The following ZNF398 variants were observed in gnomAD, a reference collection of about 807,000 sequenced individuals.
ZNF398 encodes the protein zinc finger DNA binding protein ZER6.
A neutral mutation model predicts 41.9 loss-of-function variants in ZNF398; 18 were observed. The observed-to-expected ratio is 0.43, with a 90% CI of 0.30 to 0.64. The LOEUF is 0.64. ZNF398 is among the 30% of genes least tolerant of loss of function. ZNF398 has a pLI of 0.14. For synonymous variants in ZNF398, 260 were observed against 308.8 expected, an observed-to-expected ratio of 0.84 and a Z score of 1.66; for missense variants, 669 against 822.8, an observed-to-expected ratio of 0.81 and a Z score of 2.29.
Position 149,179,581 on chromosome 7 carries a change from CCTACTGTGGCAGGAGCTTCCG to C in ZNF398, c.1714_1734del (p.Cys572_Tyr578del). On this transcript the variant is annotated inframe_deletion, in exon 6 of 6. Coordinates refer to ENST00000475153, the MANE Select transcript of ZNF398 (RefSeq NM_170686.3). The surrounding 1 kb of genome is among the most constrained non-coding windows in gnomAD (Gnocchi z 6.1). ...ACCGGGGAGCGGCCCTACCCCTGCT[CCTACTGTGGCAGGAGCTTCCG>C]CTACAAACAGACACTCAAGGACCAC... The C allele has an allele frequency of 1.9e-6, 3 of 1,614,240 alleles. No homozygotes were observed. Among genetic ancestry groups the C allele is most frequent in the Non-Finnish European group, 2.5e-6 (3 of 1,180,042 alleles).
chr7:149,140,716 A>G (rs1941664761), intron 2 of ZNF398, among the ~76,000 whole-genome samples: 1 of 152,002 alleles, frequency 6.6e-6, no homozygotes, highest in Non-Finnish European at 1.5e-5. Flanking sequence ...AATGTTTAAC[A>G]ATTTTGTTCC....
At chr7:149,161,935 T>C (rs1285493366) in intron 2 of ZNF398, among the ~76,000 whole-genome samples, 1 of 152,170 alleles carries the variant, frequency 6.6e-6, no homozygotes, top group Non-Finnish European at 1.5e-5. Context: ...TAAACATACA[T>C]TTCTTAAATA....
chr7:149,176,645 A>G (rs982905818), intron 5 of ZNF398, 64 bp downstream of exon 5: 2 of 1,093,338 alleles, frequency 1.8e-6, no homozygotes, highest in Admixed American at 2.5e-5. Context: ...TGACTGAAGA[A>G]ACAGCAGGTG....
intron 2 of ZNF398, among the ~76,000 whole-genome samples, chr7:149,156,368 G>A (rs1228607215): frequency 3.3e-5 from 5 of 151,414 alleles, no homozygotes; most frequent in South Asian, 4.2e-4. Context: ...TTAGCTGAGC[G>A]TGGTGGTGGG....
At chr7:149,151,302 G>A in intron 1 of ZNF398, 1 of 1,215,928 alleles carries the variant, frequency 8.2e-7, no homozygotes, top group African/African-American at 1.5e-5. Flanking sequence ...AAAGACATGA[G>A]AGAAGGGGAG....
At chr7:149,157,918 G>A (rs1795019413) in intron 2 of ZNF398, among the ~76,000 whole-genome samples, 1 of 151,428 alleles carries the variant, frequency 6.6e-6, no homozygotes, top group East Asian at 2.0e-4. Flanking sequence ...AGGAAAGGCT[G>A]GGCCAGCGCC....
rs138665791 is a variant in ZNF398, at chr7:149,179,093, T to C, written c.1221T>C (p.Phe407=). ...CCTGCCCACACTGTGCCAGGACTTT[T>C]ACTCACCCATCAAGACTTACCTACC... ...PPTCPHCART[F]THPSRLTYHL... The change falls in exon 6 of 6, where the codon TTT becomes TTC. Residue 407 remains phenylalanine (F), a synonymous_variant. Transcript: ENST00000475153. This position sits in a 1 kb window ranked among gnomAD's most constrained non-coding sequence, Gnocchi z 6.1. 8 of 1,613,994 alleles carry C rather than the reference T, an allele frequency of 5.0e-6. No individual in the cohort carries two copies. The highest frequency in any genetic ancestry group is 1.1e-5 in the South Asian group (1 of 91,056).
Position 149,166,865 on chromosome 7 carries a change from G to A in ZNF398, c.596G>A (p.Gly199Glu), listed in dbSNP as rs1265713361. Reference protein sequence around the residue: ...PDVLSQIQPEGEHNTEDQAGP... With the variant: ...PDVLSQIQPEEEHNTEDQAGP... Reference sequence around the variant, plus strand: ...GTCTTATCTCAGATTCAACCAGAAGGGGAACATAATACAGAGGACCAGGCA... The same window carrying A: ...GTCTTATCTCAGATTCAACCAGAAGAGGAACATAATACAGAGGACCAGGCA... Residue 199 changes from glycine (G) to glutamate (E), a missense_variant, in exon 4 of 6, where the codon GGG becomes GAG. Physicochemically the swap from Gly to Glu is moderately conservative, Grantham distance 98. This residue lies in a region of ZNF398 where 290 missense variants were observed against 292.9 expected (regional missense o/e 0.99). Transcript: ENST00000475153. 3 of 1,613,178 alleles carry A rather than the reference G, an allele frequency of 1.9e-6. No homozygotes were observed. The African/African-American group carries it at 4.0e-5, about 22-fold the overall frequency.
chr7:149,155,544 A>G (rs181485218), intron 2 of ZNF398, among the ~76,000 whole-genome samples: 71 of 152,166 alleles, frequency 4.7e-4, no homozygotes, highest in African/African-American at 1.6e-3. Context: ...AAAAACCTCC[A>G]TAGATGATTC....
chr7:149,131,364 G>C (rs1467931293), intron 2 of ZNF398, among the ~76,000 whole-genome samples: 1 of 152,072 alleles, frequency 6.6e-6, no homozygotes, highest in African/African-American at 2.4e-5. Flanking sequence ...TTTTATTAAG[G>C]AAAGATTTTA....
intron 2 of ZNF398, among the ~76,000 whole-genome samples, chr7:149,155,004 AG>A (rs1384169559): frequency 9.7e-5 from 13 of 133,658 alleles, no homozygotes; most frequent in Non-Finnish European, 3.3e-5. Context: ...AAAAAAAAAA[AG>A]GCCTGGCGAG....
intron 1 of ZNF398, among the ~76,000 whole-genome samples, chr7:149,151,777 CTTTCTTTTTT>C (rs975729701): frequency 1.3e-5 from 2 of 148,866 alleles, no homozygotes; most frequent in South Asian, 2.1e-4. Flanking sequence ...ACAAAAATTT[CTTTCTTTTTT>C]TTTCTTTTTT....
At chr7:149,144,293 A>T (rs774388047), upstream of ZNF398, among the ~76,000 whole-genome samples, 5 of 152,310 alleles carry the variant, frequency 3.3e-5, no homozygotes, top group Non-Finnish European at 5.9e-5. Context: ...CTTGCCTTAT[A>T]ACATCAAACT....
intron 2 of ZNF398, among the ~76,000 whole-genome samples, chr7:149,132,027 A>AT (rs1248910235): frequency 7.9e-5 from 12 of 152,164 alleles, no homozygotes; most frequent in African/African-American, 2.9e-4. Flanking sequence ...AGCATCAAGT[A>AT]TTGCTTTTGA....
chr7:149,151,484 G>T (rs1326814709), intron 1 of ZNF398, among the ~76,000 whole-genome samples: 1 of 152,132 alleles, frequency 6.6e-6, no homozygotes, highest in Non-Finnish European at 1.5e-5. Flanking sequence ...GAGTTAGAAG[G>T]CTTTGTATAC....
intron 2 of ZNF398, among the ~76,000 whole-genome samples, chr7:149,130,468 T>G (rs1826574007): frequency 6.6e-6 from 1 of 152,140 alleles, no homozygotes; most frequent in African/African-American, 2.4e-5. Context: ...GAAAATAAAT[T>G]TTTATTTCTT....
intron 2 of ZNF398, among the ~76,000 whole-genome samples, chr7:149,136,677 C>T (rs1305355668): frequency 6.6e-6 from 1 of 151,976 alleles, no homozygotes; most frequent in Non-Finnish European, 1.5e-5. Flanking sequence ...AAGGGATTCT[C>T]CTGTCTCAGC....
rs755563466 is a variant in ZNF398, at chr7:149,179,841, G to A, written c.*40G>A. The A allele has an allele frequency of 6.6e-7, 1 of 1,509,252 alleles. No homozygotes were observed. 93.5% of individuals were successfully genotyped at this position (1,509,252 alleles called of 1,614,324 possible). A position where few individuals can be genotyped will look rare whatever the true frequency, so the allele number is the denominator to read the frequency against. On this transcript the variant is annotated 3_prime_UTR_variant, in exon 6 of 6. Transcript: ENST00000475153. The surrounding 1 kb of genome is among the most constrained non-coding windows in gnomAD (Gnocchi z 6.1). ...GGCTTCATGCTTGTATATGCTCACA[G>A]CAGGGCACAAAATCCAAGAGAAGGT...
chr7:149,154,218 G>A lies in ZNF398; in HGVS notation c.298G>A (p.Gly100Arg). The A allele has an allele frequency of 6.2e-7, 1 of 1,614,136 alleles. No homozygotes were observed. Residue 100 changes from glycine (G) to arginine (R), a missense_variant, in exon 2 of 6, where the codon GGA becomes AGA. Gly to Arg is a moderately radical substitution (Grantham distance 125). Around this residue, in one of 3 missense-constraint regions of ZNF398, gnomAD observed 169 missense variants for 239.5 expected, o/e 0.71. Transcript: ENST00000475153. ...GCTGGAGGGCAAGTGGGCCGTGCTG[G>A]GAACCCTGCTGCAGGAGTACGGGCT... is the stretch of plus-strand genomic sequence containing the variant. ...NQLEGKWAVL[G>R]TLLQEYGLLQ...
Sources: allele counts gnomAD v4.1 joint callset (sites outside exome capture counted in the v4.1 genomes callset), GRCh38; gene constraint gnomAD v4.1.1; regional missense constraint gnomAD v4.1.1; non-coding constraint Gnocchi (gnomAD v3.1); transcripts MANE v1.5; gene names NCBI Gene and HGNC (gene_info 2026-07-23, HGNC 2026-07-21).